The following MAP4K3 variants were observed in gnomAD, a reference collection of about 807,000 sequenced individuals.
The protein encoded by MAP4K3 is MAPK/ERK kinase kinase kinase 3.
A neutral mutation model predicts 143.5 loss-of-function variants in MAP4K3; 94 were observed. The observed-to-expected ratio is 0.65, with a 90% CI of 0.55 to 0.78. MAP4K3 has a LOEUF of 0.78. Ranked by LOEUF, MAP4K3 falls within the 30% of genes least tolerant of loss-of-function variation. The probability of loss-of-function intolerance (pLI) is 0.00; values close to 1 mark genes in which losing one functional copy is unlikely to be tolerated. For synonymous variants in MAP4K3, 416 were observed against 347.2 expected, an observed-to-expected ratio of 1.20 and a Z score of -2.20; for missense variants, 1,077 against 1,068.1, an observed-to-expected ratio of 1.01 and a Z score of -0.12.
intron 4 of MAP4K3, among the ~76,000 whole-genome samples, chr2:39,338,486 C>A (rs1665044924): frequency 6.6e-6 from 1 of 152,144 alleles, no homozygotes. Flanking sequence ...TGGTCTATAA[C>A]CTACCAGACT....
intron 18 of MAP4K3, among the ~76,000 whole-genome samples, chr2:39,290,639 G>T (rs1573103168): frequency 6.6e-6 from 1 of 152,062 alleles, no homozygotes; most frequent in African/African-American, 2.4e-5. Flanking sequence ...GCAGAACATA[G>T]GATACTAGGA....
intron 16 of MAP4K3, among the ~76,000 whole-genome samples, chr2:39,293,620 A>T (rs1407583534): frequency 6.6e-6 from 1 of 152,202 alleles, no homozygotes; most frequent in Non-Finnish European, 1.5e-5. Flanking sequence ...AGTCTCCAGG[A>T]TTCAAATTTT....
intron 1 of MAP4K3, among the ~76,000 whole-genome samples, chr2:39,419,148 T>C (rs1667477417): frequency 6.6e-6 from 1 of 152,128 alleles, no homozygotes; most frequent in South Asian, 2.1e-4. Context: ...TAGTATGAAC[T>C]TAAAAAGATA....
At chr2:39,436,105 A>C (rs1665461842) in intron 1 of MAP4K3, among the ~76,000 whole-genome samples, 1 of 152,192 alleles carries the variant, frequency 6.6e-6, no homozygotes, top group Admixed American at 6.5e-5. Context: ...AGTAACTGTG[A>C]GGCCAAGAGT....
Position 39,293,403 on chromosome 2 carries a change from A to G in MAP4K3, c.1179-135T>C. 10 of 614,104 alleles carry G rather than the reference A, an allele frequency of 1.6e-5. No homozygotes were observed. The South Asian group carries it at 2.0e-4, about 12-fold the overall frequency. 38.0% of individuals were successfully genotyped at this position (614,104 alleles called of 1,614,324 possible). A position where few individuals can be genotyped will look rare whatever the true frequency, so the allele number is the denominator to read the frequency against. On this transcript the variant is annotated intron_variant, in intron 16 of 33. Transcript: ENST00000263881. Reference sequence around the variant, plus strand: ...TTTTACCATTTACTGAAAATTTGCTAGTGATCACCTCTGCAACCATAAAAC... The same window carrying G: ...TTTTACCATTTACTGAAAATTTGCTGGTGATCACCTCTGCAACCATAAAAC...
chr2:39,359,618 C>T (rs751782231), intron 2 of MAP4K3, among the ~76,000 whole-genome samples: 18 of 152,380 alleles, frequency 1.2e-4, no homozygotes, highest in Middle Eastern at 3.4e-3. Flanking sequence ...CACGAGGGCT[C>T]CACCCTTGCA....
At chr2:39,383,871 A>G (rs1203446985) in intron 1 of MAP4K3, among the ~76,000 whole-genome samples, 2 of 152,104 alleles carry the variant, frequency 1.3e-5, no homozygotes, top group Non-Finnish European at 2.9e-5. Flanking sequence ...TTGCGAGGCA[A>G]AAGTGGGCAG....
intron 16 of MAP4K3, 56 bp downstream of exon 16, chr2:39,299,687 A>T: frequency 1.1e-6 from 1 of 921,708 alleles, no homozygotes; most frequent in Non-Finnish European, 1.6e-6. Context: ...ATATAATATT[A>T]AAGGCAACTT....
intron 2 of MAP4K3, among the ~76,000 whole-genome samples, chr2:39,369,197 TTTTTTTTG>T (rs1558670312): frequency 1.8e-5 from 1 of 56,296 alleles, no homozygotes; most frequent in African/African-American, 5.2e-5. Context: ...GGGCTAGTTT[TTTTTTTTG>T]TTTTTTTTGA....
At chr2:39,422,528 C>T (rs72931135) in intron 1 of MAP4K3, among the ~76,000 whole-genome samples, 10,338 of 152,160 alleles carry the variant, frequency 0.068, 1,191 homozygotes, top group African/African-American at 0.24. Context: ...AAATAAATTT[C>T]CACTGTATAA....
chr2:39,341,396 T>G (rs531061283), intron 4 of MAP4K3, among the ~76,000 whole-genome samples: 1 of 152,142 alleles, frequency 6.6e-6, no homozygotes, highest in Non-Finnish European at 1.5e-5. Flanking sequence ...TGGTAGCTCA[T>G]GCCTGTAATC....
intron 4 of MAP4K3, among the ~76,000 whole-genome samples, chr2:39,340,196 T>G (rs1169559697): frequency 6.6e-6 from 1 of 152,096 alleles, no homozygotes; most frequent in Non-Finnish European, 1.5e-5. Flanking sequence ...ATAATGACAA[T>G]GTGATAAAAA....
At chr2:39,378,886 A>AAT (rs1666290020) in intron 1 of MAP4K3, among the ~76,000 whole-genome samples, 1 of 151,514 alleles carries the variant, frequency 6.6e-6, no homozygotes, top group Admixed American at 6.6e-5. Flanking sequence ...TACATATAAC[A>AAT]ATATATATTA....
intron 1 of MAP4K3, among the ~76,000 whole-genome samples, chr2:39,409,469 TTA>T (rs1340370624): frequency 1.3e-5 from 2 of 152,166 alleles, no homozygotes; most frequent in Non-Finnish European, 2.9e-5. Flanking sequence ...TGGCACCAGC[TTA>T]TAGTCCCAGC....
chr2:39,337,654 A>G, intron 4 of MAP4K3, 73 bp from the exon 5 acceptor site: 1 of 1,002,424 alleles, frequency 1.0e-6, no homozygotes, highest in Non-Finnish European at 1.6e-6. Context: ...AAGTTTTACA[A>G]GTTTAAGCAA....
At chr2:39,430,178 T>C (rs1037225830) in intron 1 of MAP4K3, among the ~76,000 whole-genome samples, 4 of 152,174 alleles carry the variant, frequency 2.6e-5, no homozygotes, top group Non-Finnish European at 5.9e-5. Context: ...ATGGTGTATG[T>C]AGGTTAGCAT....
In MAP4K3 at chr2:39,333,557, T is replaced by C; in HGVS notation, c.432A>G (p.Leu144=). 6.2e-7 allele frequency: 1 copy of C among 1,605,820 alleles called. No individual in the cohort carries two copies. Among genetic ancestry groups the C allele is most frequent in the Admixed American group, 1.7e-5 (1 of 59,828 alleles). ...HRDIKGANIL[L]TDNGHVKLAD... ...CCAATTTCACATGACCATTATCCGT[T>C]AATAGAATGTTAGCTCCCTTCAAAG... Residue 144 remains leucine, a synonymous_variant, in exon 7 of 34, where the codon TTA becomes TTG. Coordinates refer to ENST00000263881, the MANE Select transcript of MAP4K3 (RefSeq NM_003618.4).
At chr2:39,381,745 T>C (rs1369565663) in intron 1 of MAP4K3, among the ~76,000 whole-genome samples, 1 of 152,194 alleles carries the variant, frequency 6.6e-6, no homozygotes, top group Non-Finnish European at 1.5e-5. Context: ...CATCTATATT[T>C]CTAGTCACTC....
intron 1 of MAP4K3, among the ~76,000 whole-genome samples, chr2:39,434,115 C>T (rs1032735645): frequency 1.3e-5 from 2 of 152,132 alleles, no homozygotes; most frequent in Admixed American, 1.3e-4. Flanking sequence ...ACCAACCTTC[C>T]AAGAATGACT....
Sources: gnomAD v4.1 joint callset for allele counts (sites outside exome capture counted in the v4.1 genomes callset) on GRCh38, gnomAD v4.1.1 for gene constraint, MANE v1.5 for transcripts, NCBI Gene and HGNC (gene_info 2026-07-23, HGNC 2026-07-21) for gene names.